The following TLN2 variants were observed in gnomAD, a reference collection of about 807,000 sequenced individuals.
The protein encoded by TLN2 is talin 2.
Under a neutral mutation model 294.7 loss-of-function variants are expected in TLN2, and 118 were observed. The ratio of observed to expected loss-of-function variants is 0.40; its 90% CI spans 0.34 to 0.47. The LOEUF (loss-of-function observed/expected upper bound fraction) is 0.47. Among genes scored for constraint, TLN2 ranks in the 20% least tolerant of loss-of-function variants. The probability of loss-of-function intolerance (pLI) is 0.84; values close to 1 mark genes in which losing one functional copy is unlikely to be tolerated. For missense variants in TLN2, 3,083 were observed against 3,282.2 expected, an observed-to-expected ratio of 0.94 and a Z score of 1.48; for synonymous variants, 1,431 against 1,304.5, an observed-to-expected ratio of 1.10 and a Z score of -2.09.
chr15:62,483,169 A>G (rs940098862), intron 1 of TLN2, among the ~76,000 whole-genome samples: 22 of 152,244 alleles, frequency 1.4e-4, no homozygotes, highest in East Asian at 5.8e-4. Flanking sequence ...AACTACTCCA[A>G]TGTTGGTAGG....
intron 1 of TLN2, among the ~76,000 whole-genome samples, chr15:62,454,898 G>A (rs1321615204): frequency 6.6e-6 from 1 of 152,096 alleles, no homozygotes; most frequent in East Asian, 1.9e-4. Context: ...CATCGGGGCA[G>A]GTGGGGAGAG....
chr15:62,625,091 A>T (rs2140871257), intron 3 of TLN2, among the ~76,000 whole-genome samples: 1 of 152,282 alleles, frequency 6.6e-6, no homozygotes, highest in East Asian at 1.9e-4. Context: ...GTCAAGGCTG[A>T]TGTGAGCGTA....
chr15:62,804,510 C>G (rs2066144374), intron 50 of TLN2, among the ~76,000 whole-genome samples: 1 of 152,134 alleles, frequency 6.6e-6, no homozygotes, highest in Admixed American at 6.5e-5. Flanking sequence ...AGGTGGAAGA[C>G]TCACTTTAGC....
rs201865870 is a variant in TLN2 at position 62,725,048 on chromosome 15, C to T, written c.3199C>T (p.Gln1067Ter). The T allele has an allele frequency of 1.9e-6, 3 of 1,613,292 alleles. No homozygotes were observed. The highest frequency in any genetic ancestry group is 3.3e-5 in the Admixed American group (2 of 59,994). Residue 1067 changes from glutamine to a stop codon, truncating the protein, a stop_gained, in exon 27 of 59, where the codon CAG becomes TAG. Coordinates refer to ENST00000636159, the MANE Select transcript of TLN2 (RefSeq NM_015059.3). LOFTEE classifies it high-confidence loss of function. ...GGTGCAGACGCTTAAGAATGAACTGCAGGATGCCAAGATGGCAGCCGTGGA... is the reference window on the plus strand; with the variant it reads ...GGTGCAGACGCTTAAGAATGAACTGTAGGATGCCAAGATGGCAGCCGTGGA... ...NTVQTLKNEL[Q>*]DAKMAAVESQ...
intron 1 of TLN2, among the ~76,000 whole-genome samples, chr15:62,542,321 A>G (rs2041740161): frequency 6.6e-6 from 1 of 151,716 alleles, no homozygotes; most frequent in South Asian, 2.1e-4. Context: ...CCTCCAGAGT[A>G]GCTGGGACTA....
In TLN2 at chr15:62,776,895, A is replaced by G; in HGVS notation, c.5499A>G (p.Ala1833=). Residue 1833 remains alanine, a synonymous_variant, in exon 43 of 59, where the codon GCA becomes GCG. Transcript: ENST00000636159. ...GLVGGMVDAI[A]EAMSKLDEGT... ...TTGGGGGCATGGTGGACGCCATTGC[A>G]GAAGCCATGAGCAAGGTGGGCATGG... 1 of 1,579,864 alleles carries G rather than the reference A, an allele frequency of 6.3e-7. No homozygotes were observed. Among genetic ancestry groups the G allele is most frequent in the Non-Finnish European group, 8.6e-7 (1 of 1,161,996 alleles).
chr15:62,678,831 AAAAT>A (rs1264908926), intron 11 of TLN2, among the ~76,000 whole-genome samples: 1 of 152,258 alleles, frequency 6.6e-6, no homozygotes, highest in Non-Finnish European at 1.5e-5. Flanking sequence ...ACTCTGCCTC[AAAAT>A]AAATAAATAA....
At chr15:62,676,677 C>T (rs1007240637) in intron 11 of TLN2, among the ~76,000 whole-genome samples, 4 of 152,180 alleles carry the variant, frequency 2.6e-5, no homozygotes, top group South Asian at 4.1e-4. Flanking sequence ...TGCAGTGGCG[C>T]GATCGTGGCT....
At chr15:62,475,374 T>C (rs1013303185) in intron 1 of TLN2, among the ~76,000 whole-genome samples, 12 of 152,212 alleles carry the variant, frequency 7.9e-5, no homozygotes, top group African/African-American at 2.9e-4. Context: ...ATGAGTTGAC[T>C]GAAGATCTGC....
chr15:62,574,962 T>A (rs1225677320), intron 1 of TLN2, among the ~76,000 whole-genome samples: 1 of 151,664 alleles, frequency 6.6e-6, no homozygotes, highest in Non-Finnish European at 1.5e-5. Context: ...CCAAAAAAAA[T>A]GGAGATTCTG....
intron 1 of TLN2, among the ~76,000 whole-genome samples, chr15:62,529,880 C>T (rs1367903761): frequency 2.0e-5 from 3 of 152,178 alleles, no homozygotes; most frequent in Non-Finnish European, 4.4e-5. Context: ...GATGGACATA[C>T]TTTGGTCTCT....
intron 1 of TLN2, among the ~76,000 whole-genome samples, chr15:62,436,294 A>C (rs557620300): frequency 6.6e-6 from 1 of 152,230 alleles, no homozygotes; most frequent in South Asian, 2.1e-4. Context: ...AGCTCATGGA[A>C]AGCATAGCCA....
chr15:62,708,856 C>A, intron 21 of TLN2, 60 bp downstream of exon 21: 1 of 1,526,414 alleles, frequency 6.6e-7, no homozygotes, highest in Non-Finnish European at 8.8e-7. Flanking sequence ...GATGGTGGTG[C>A]TAACCCATAG....
intron 1 of TLN2, among the ~76,000 whole-genome samples, chr15:62,469,693 C>T (rs1326440969): frequency 1.3e-5 from 2 of 152,210 alleles, no homozygotes; most frequent in Non-Finnish European, 2.9e-5. Flanking sequence ...CACAAGCACC[C>T]TTAAAGCACT....
intron 1 of TLN2, among the ~76,000 whole-genome samples, chr15:62,504,846 T>TGTGTGAGA (rs1207922838): frequency 6.9e-6 from 1 of 144,392 alleles, no homozygotes; most frequent in African/African-American, 2.6e-5. Flanking sequence ...TGTGTGTGTG[T>TGTGTGAGA]GAGAGAGAGA....
In TLN2 at chr15:62,803,462, G is replaced by A. The variant is rs2141152929; in HGVS notation, c.6478-2138G>A. Among the ~76,000 whole-genome samples, 2 of 152,170 alleles carry A rather than the reference G, an allele frequency of 1.3e-5. 1 individual carries two copies. Among genetic ancestry groups the A allele is most frequent in the South Asian group, 4.1e-4 (2 of 4,820 alleles). On this transcript the variant is annotated intron_variant, in intron 50 of 58. Coordinates refer to ENST00000636159, the MANE Select transcript of TLN2 (RefSeq NM_015059.3). ...TAACTCTTAAATTTGTCCTTTTGAA[G>A]CTATTTTCTAGATCCTGTAGGCATG... is the stretch of plus-strand genomic sequence containing the variant.
chr15:62,812,029 A>ATAAT (rs1207703693), intron 52 of TLN2, among the ~76,000 whole-genome samples: 2 of 150,944 alleles, frequency 1.3e-5, no homozygotes, highest in Non-Finnish European at 3.0e-5. Context: ...AAATAAATAA[A>ATAAT]TAAATAAATA....
In TLN2 at chr15:62,488,965, A is replaced by G. The variant is rs888886335; in HGVS notation, c.-238+98280A>G. ...ATCACGAGGTCAGGAGTCCAAGACC[A>G]GCCTGGCCAATATGGTGAAACCCCG... On this transcript the variant is annotated intron_variant, in intron 1 of 58. Transcript: ENST00000636159. Among the ~76,000 whole-genome samples the G allele has an allele frequency of 8.0e-4, 122 of 152,334 alleles. 1 individual carries two copies. The highest frequency in any genetic ancestry group is 3.4e-3 in the Middle Eastern group (1 of 294).
rs1595993642 is a variant in TLN2, at chr15:62,787,880, C to T, written c.5736+3990C>T. ...CTGATTTTTGTATTTATAGTAGAGA[C>T]GGGGTTTTGCTACATTGTCCAGGCT... On this transcript the variant is annotated intron_variant, in intron 45 of 58. Transcript: ENST00000636159. Among the ~76,000 whole-genome samples, 3 of 150,138 alleles carry T rather than the reference C, an allele frequency of 2.0e-5. 1 individual carries two copies. The highest frequency in any genetic ancestry group is 4.0e-4 in the East Asian group (2 of 5,020).
Sources: allele counts gnomAD v4.1 joint callset (sites outside exome capture counted in the v4.1 genomes callset), GRCh38; gene constraint gnomAD v4.1.1; transcripts MANE v1.5; gene names NCBI Gene and HGNC (gene_info 2026-07-23, HGNC 2026-07-21).